HTR2B: variants seen among roughly 807,000 people sequenced by gnomAD.
The protein encoded by HTR2B is 5-hydroxytryptamine receptor 2B, also known as 5-HT 2B receptor.
In HTR2B, 31 loss-of-function variants were observed where a neutral mutation model predicts 39.8. The ratio of observed to expected loss-of-function variants is 0.78; its 90% CI spans 0.58 to 1.05. HTR2B has a LOEUF of 1.05. Ranked by LOEUF, HTR2B falls within the 50% of genes least tolerant of loss-of-function variation. The pLI, the probability that HTR2B is intolerant of heterozygous loss-of-function variation, is 0.00. For synonymous variants in HTR2B, 210 were observed against 207.1 expected (o/e 1.01, Z -0.12); for missense variants, 562 against 578.0 (o/e 0.97, Z 0.28).
Position 231,113,873 on chromosome 2 carries a change from G to A in HTR2B, c.409C>T (p.Leu137Phe), listed in dbSNP as rs1695243881. The change falls in exon 3 of 4, where the codon CTC (leucine) becomes TTC (phenylalanine). Residue 137 changes from leucine to phenylalanine, a missense_variant. Coordinates refer to ENST00000258400, the MANE Select transcript of HTR2B (RefSeq NM_000867.5). Reference sequence around the variant, plus strand: ...TGCATGATGGATGCGGTTGAAAAGAGAACGTCAAGAAATAACCAGGCAGGA... The same window carrying A: ...TGCATGATGGATGCGGTTGAAAAGAAAACGTCAAGAAATAACCAGGCAGGA... ...LCPAWLFLDV[L>F]FSTASIMHLC... 4 of 1,614,044 alleles carry A rather than the reference G, an allele frequency of 2.5e-6. No individual in the cohort carries two copies. Among genetic ancestry groups the A allele is most frequent in the Non-Finnish European group, 3.4e-6 (4 of 1,180,010 alleles).
chr2:231,123,528 A>G lies in HTR2B; in HGVS notation c.237T>C (p.Val79=). The G allele has an allele frequency of 6.2e-7, 1 of 1,614,102 alleles. No individual in the cohort carries two copies. The highest frequency in any genetic ancestry group is 8.5e-7 in the Non-Finnish European group (1 of 1,179,926). The change falls in exon 2 of 4, where the codon GTT becomes GTC. Residue 79 remains valine (V), a synonymous_variant. Coordinates refer to ENST00000258400, the MANE Select transcript of HTR2B (RefSeq NM_000867.5). The part of the protein sequence containing the change: ...IGGNTLVILA[V]SLEKKLQYAT... ...CATACTGCAGCTTCTTCTCCAGTGA[A>G]ACAGCCAGAATAACAAGGGTATTTC...
intron 3 of HTR2B, among the ~76,000 whole-genome samples, chr2:231,112,170 T>C (rs1188164428): frequency 6.6e-6 from 1 of 152,080 alleles, no homozygotes; most frequent in African/African-American, 2.4e-5. Context: ...TACCTCACAC[T>C]CTCCCTTGCC....
intron 3 of HTR2B, 112 bp downstream of exon 3, chr2:231,113,617 G>T: frequency 2.2e-6 from 2 of 890,960 alleles, no homozygotes. Context: ...GTATCAGTAG[G>T]CTGGCTTGAC....
intron 2 of HTR2B, among the ~76,000 whole-genome samples, chr2:231,120,097 G>A (rs1423379732): frequency 1.3e-5 from 2 of 151,652 alleles, no homozygotes; most frequent in East Asian, 2.0e-4. Flanking sequence ...GACTACAGGC[G>A]CGTACCACCA....
At position 231,109,179 on chromosome 2, in the gene HTR2B, A is replaced by G. The variant is rs769386577; in HGVS notation, c.784T>C (p.Leu262=). ...CTTTGGAAAACTGTAGACACAGTCA[A>G]CCATGTTAGGCGTTGAGGTGGCTTG... The part of the protein sequence containing the change: ...KNKPPQRLTW[L]TVSTVFQRDE... The change falls in exon 4 of 4, where the codon TTG becomes CTG. Residue 262 remains leucine, a synonymous_variant. Transcript: ENST00000258400. 10 of 1,614,110 alleles carry G rather than the reference A, an allele frequency of 6.2e-6. No homozygotes were observed. Among genetic ancestry groups the G allele is most frequent in the East Asian group, 2.2e-5 (1 of 44,892 alleles).
intron 3 of HTR2B, among the ~76,000 whole-genome samples, chr2:231,110,520 GA>G (rs1393205116): frequency 2.0e-5 from 3 of 152,104 alleles, no homozygotes; most frequent in African/African-American, 7.2e-5. Flanking sequence ...TTGATCTTTA[GA>G]AACCTCTGGA....
In HTR2B at chr2:231,112,715, T is replaced by C. The variant is rs540164254; in HGVS notation, c.553+1014A>G. On this transcript the variant is annotated intron_variant, in intron 3 of 3. Coordinates refer to ENST00000258400, the MANE Select transcript of HTR2B (RefSeq NM_000867.5). ...GATACTAACATATAAGAGTTTTGAATGATTTACGCATACTTCATGATAAGA... is the reference window on the plus strand; with the variant it reads ...GATACTAACATATAAGAGTTTTGAACGATTTACGCATACTTCATGATAAGA... Among the ~76,000 whole-genome samples the C allele has an allele frequency of 7.2e-5, 11 of 152,346 alleles. No homozygotes were observed. In the South Asian group the frequency reaches 2.3e-3, roughly 32 times the overall value.
intron 2 of HTR2B, among the ~76,000 whole-genome samples, chr2:231,118,905 T>G (rs1418801533): frequency 6.6e-6 from 1 of 152,240 alleles, no homozygotes; most frequent in Non-Finnish European, 1.5e-5. Context: ...ATACTTCTTA[T>G]GTCCAAAAAG....
intron 2 of HTR2B, among the ~76,000 whole-genome samples, chr2:231,121,132 A>G (rs1216040141): frequency 6.6e-6 from 1 of 152,214 alleles, no homozygotes; most frequent in Non-Finnish European, 1.5e-5. Context: ...AGTAGTTCAC[A>G]GATTTGTTCA....
intron 3 of HTR2B, among the ~76,000 whole-genome samples, chr2:231,113,121 G>A (rs1299213828): frequency 1.3e-5 from 2 of 152,052 alleles, no homozygotes; most frequent in Non-Finnish European, 2.9e-5. Flanking sequence ...CCATGATTGT[G>A]CCATTGCACT....
At chr2:231,118,542 T>C (rs577921274) in intron 2 of HTR2B, among the ~76,000 whole-genome samples, 88 of 152,340 alleles carry the variant, frequency 5.8e-4, no homozygotes, top group African/African-American at 2.0e-3. Flanking sequence ...GAAAATAACC[T>C]GTATGCATTG....
chr2:231,120,234 G>A (rs1273253515), intron 2 of HTR2B, among the ~76,000 whole-genome samples: 2 of 152,198 alleles, frequency 1.3e-5, no homozygotes, highest in African/African-American at 4.8e-5. Flanking sequence ...TTACAGGCAT[G>A]AGCCACCGTG....
intron 3 of HTR2B, among the ~76,000 whole-genome samples, chr2:231,113,044 G>A (rs2125212752): frequency 6.6e-6 from 1 of 152,156 alleles, no homozygotes; most frequent in East Asian, 1.9e-4. Flanking sequence ...TGTGTCTGTA[G>A]TCCCAGCTAC....
At chr2:231,124,817 A>G (rs535791219) in intron 1 of HTR2B, among the ~76,000 whole-genome samples, 155 bp downstream of exon 1, 1 of 152,296 alleles carries the variant, frequency 6.6e-6, no homozygotes, top group Admixed American at 6.5e-5. Context: ...AAATGTACAA[A>G]TCACGTTTTT....
Position 231,123,774 on chromosome 2 carries a change from T to G in HTR2B, c.-10A>C, listed in dbSNP as rs995589753. ...TGTAAGAGAGAGCCATTTGCTGTTT[T>G]TCTGTGATTCAATCCCGTTCCGAAC... On this transcript the variant is annotated 5_prime_UTR_variant, in exon 2 of 4. Transcript: ENST00000258400. 4 of 1,596,230 alleles carry G rather than the reference T, an allele frequency of 2.5e-6. No homozygotes were observed. In the African/African-American group the frequency reaches 5.4e-5, roughly 21 times the overall value.
chr2:231,113,902 A>G lies in HTR2B; in HGVS notation c.380T>C (p.Leu127Pro). 1 of 1,614,150 alleles carries G rather than the reference A, an allele frequency of 6.2e-7. No homozygotes were observed. The highest frequency in any genetic ancestry group is 1.1e-5 in the South Asian group (1 of 91,084). ...FEAMWPLPLVLCPAWLFLDVL... is the reference protein window; with the variant it reads ...FEAMWPLPLVPCPAWLFLDVL... The stretch of plus-strand genomic sequence containing the variant: ...GTCAAGAAATAACCAGGCAGGACAT[A>G]GAACAAGTGGGAGGGGCCACATAGC... Residue 127 changes from leucine to proline, a missense_variant, in exon 3 of 4, where the codon CTA becomes CCA. By Grantham distance (98) the Leu-to-Pro change is moderately conservative. Coordinates refer to ENST00000258400, the MANE Select transcript of HTR2B (RefSeq NM_000867.5).
At position 231,109,371 on chromosome 2, in the gene HTR2B, C is replaced by T; in HGVS notation, c.592G>A (p.Asp198Asn). 1 of 1,614,102 alleles carries T rather than the reference C, an allele frequency of 6.2e-7. No homozygotes were observed. Among genetic ancestry groups the T allele is most frequent in the Non-Finnish European group, 8.5e-7 (1 of 1,179,996 alleles). The change falls in exon 4 of 4, where the codon GAT becomes AAT. Residue 198 changes from aspartate (D) to asparagine (N), a missense_variant. Asp to Asn is a conservative substitution (Grantham distance 23). Transcript: ENST00000258400. ...IPVPIKGIET[D>N]VDNPNNITCV... ...GTGATATTGTTTGGGTTGTCCACAT[C>T]AGTCTCTATCCCTTTAATAGGGACT... is the stretch of plus-strand genomic sequence containing the variant.
rs555035077 is a variant in HTR2B at position 231,109,736 on chromosome 2, A to T, written c.554-327T>A. On this transcript the variant is annotated intron_variant, in intron 3 of 3. Transcript: ENST00000258400. ...ATAATCTATTTTTGTTTTTTAAGCT[A>T]TCTCAGATTAAGGAAGAGAAATTCA... Among the ~76,000 whole-genome samples the T allele has an allele frequency of 2.0e-5, 3 of 152,310 alleles. No individual in the cohort carries two copies. In the South Asian group the frequency reaches 6.2e-4, roughly 32 times the overall value.
At chr2:231,113,305 A>ATT (rs1559235866) in intron 3 of HTR2B, among the ~76,000 whole-genome samples, 1 of 152,236 alleles carries the variant, frequency 6.6e-6, no homozygotes, top group African/African-American at 2.4e-5. Context: ...TTGAGTTGTT[A>ATT]TTTTTGTTTT....
Sources: allele counts gnomAD v4.1 joint callset (sites outside exome capture counted in the v4.1 genomes callset), GRCh38; gene constraint gnomAD v4.1.1; transcripts MANE v1.5; gene names NCBI Gene and HGNC (gene_info 2026-07-23, HGNC 2026-07-21).